Variants in NLRX1 observed in about 807,000 individuals in gnomAD.
NLRX1 encodes the protein NLR family member X1.
A neutral mutation model predicts 74.2 loss-of-function variants in NLRX1; 67 were observed. The ratio of observed to expected loss-of-function variants is 0.90; its 90% CI spans 0.74 to 1.11. The LOEUF (loss-of-function observed/expected upper bound fraction) is 1.11. Ranked by LOEUF, NLRX1 falls within the 50% of genes least tolerant of loss-of-function variation. NLRX1 has a pLI of 0.00. For missense variants in NLRX1, 1,191 were observed against 1,305.4 expected (o/e 0.91, Z 1.35); for synonymous variants, 506 against 559.1 (o/e 0.91, Z 1.34).
Position 119,173,403 on chromosome 11 carries a change from A to G in NLRX1, c.230-76A>G. The G allele has an allele frequency of 1.3e-6, 2 of 1,506,268 alleles. No individual in the cohort carries two copies. Among genetic ancestry groups the G allele is most frequent in the South Asian group, 2.4e-5 (2 of 81,750 alleles). 93.3% of individuals were successfully genotyped at this position (1,506,268 alleles called of 1,614,324 possible). On this transcript the variant is annotated intron_variant, in intron 4 of 9. Transcript: ENST00000409109. The surrounding 1 kb of genome is among the most constrained non-coding windows in gnomAD (Gnocchi z 4.0). ...TGCCGTGATGTCCCAGCCTGACCTCACCACCGCCCTGATTGGCCCTAAGCT... is the reference window on the plus strand; with the variant it reads ...TGCCGTGATGTCCCAGCCTGACCTCGCCACCGCCCTGATTGGCCCTAAGCT...
chr11:119,181,113 T>G, intron 7 of NLRX1, 58 bp from the exon 8 acceptor site: 1 of 1,202,798 alleles, frequency 8.3e-7, no homozygotes, highest in Non-Finnish European at 1.2e-6. Context: ...ATGGACAGAC[T>G]GCCTGCTGAA....
In NLRX1 at chr11:119,173,732, A is replaced by G. The variant is rs1160438766; in HGVS notation, c.483A>G (p.Thr161=). 4.3e-6 allele frequency: 7 copies of G among 1,613,898 alleles called. No homozygotes were observed. Among genetic ancestry groups the G allele is most frequent in the Non-Finnish European group, 3.4e-6 (4 of 1,180,004 alleles). The change falls in exon 5 of 10, where the codon ACA becomes ACG. Residue 161 remains threonine (T), a synonymous_variant. Coordinates refer to ENST00000409109, the MANE Select transcript of NLRX1 (RefSeq NM_001282144.2). This position sits in a 1 kb window ranked among gnomAD's most constrained non-coding sequence, Gnocchi z 4.0. ...ATGCCTGTGGGCGCCGGGTGCAGAC[A>G]GTGGTGCTGTATGGGACAGTGGGCA... The part of the protein sequence containing the change: ...NPDACGRRVQ[T]VVLYGTVGTG...
At chr11:119,181,063 A>T in intron 7 of NLRX1, 108 bp from the exon 8 acceptor site, 1 of 790,046 alleles carries the variant, frequency 1.3e-6, no homozygotes. Context: ...AAGCAGGTAT[A>T]GATTCCCAGA....
In NLRX1 at chr11:119,173,950, G is replaced by T. The variant is rs769046122; in HGVS notation, c.701G>T (p.Gly234Val). The change falls in exon 5 of 10, where the codon GGG (glycine) becomes GTG (valine). Residue 234 changes from glycine to valine, a missense_variant. Coordinates refer to ENST00000409109, the MANE Select transcript of NLRX1 (RefSeq NM_001282144.2). This position sits in a 1 kb window ranked among gnomAD's most constrained non-coding sequence, Gnocchi z 4.0. ...GTTCTGCCCCTGATGGCTGCTGCTG[G>T]GTCCCACCTCCTCTTTGTGCTCCAT... ...KEVLPLMAAA[G>V]SHLLFVLHGL... is the part of the protein sequence containing the mutation. 6.2e-7 allele frequency: 1 copy of T among 1,614,018 alleles called. No homozygotes were observed. The highest frequency in any genetic ancestry group is 8.5e-7 in the Non-Finnish European group (1 of 1,180,030).
chr11:119,171,967 A>AG (rs1340861516), intron 2 of NLRX1, among the ~76,000 whole-genome samples: 2 of 151,702 alleles, frequency 1.3e-5, no homozygotes, highest in Non-Finnish European at 2.9e-5. Context: ...AAAAAAAAAA[A>AG]GAGAGTTGGA....
Position 119,174,086 on chromosome 11 carries a change from C to T in NLRX1, c.837C>T (p.Tyr279=), listed in dbSNP as rs1336816616. ...AAIIVNLLRK[Y]MLPQASILVT... Reference sequence around the variant, plus strand: ...TCATCGTCAACCTGCTGCGCAAATACATGCTGCCTCAGGTGGGTGGCCCTT... The same window carrying T: ...TCATCGTCAACCTGCTGCGCAAATATATGCTGCCTCAGGTGGGTGGCCCTT... Residue 279 remains tyrosine, a synonymous_variant, in exon 5 of 10, where the codon TAC becomes TAT. Coordinates refer to ENST00000409109, the MANE Select transcript of NLRX1 (RefSeq NM_001282144.2). 4 of 1,613,868 alleles carry T rather than the reference C, an allele frequency of 2.5e-6. No individual in the cohort carries two copies. The Admixed American group carries it at 5.0e-5, about 20-fold the overall frequency.
chr11:119,172,866 A>G (rs1375483345), intron 3 of NLRX1, 35 bp from the exon 4 acceptor site: 5 of 1,514,140 alleles, frequency 3.3e-6, no homozygotes, highest in Non-Finnish European at 4.6e-6. Flanking sequence ...GATCCAAGTT[A>G]CAAGTCCCAG....
In NLRX1 at chr11:119,172,503, G is replaced by C. The variant is rs868294590; in HGVS notation, c.140+78G>C. ...TGGGAAGGGTCAGGACTTGGGGCTA[G>C]CTTGATCTCTTGGGGACCTTGGGGA... On this transcript the variant is annotated intron_variant, in intron 3 of 9. Coordinates refer to ENST00000409109, the MANE Select transcript of NLRX1 (RefSeq NM_001282144.2). The C allele has an allele frequency of 1.2e-5, 14 of 1,131,862 alleles. No homozygotes were observed. The Middle Eastern group carries it at 2.0e-3, about 158-fold the overall frequency. The allele number at this position is 1,131,862 out of a possible 1,614,324, so 70.1% of individuals were successfully genotyped here. A position where few individuals can be genotyped will look rare whatever the true frequency, so the allele number is the denominator to read the frequency against.
chr11:119,179,636 T>C, intron 6 of NLRX1, 57 bp from the exon 7 acceptor site: 1 of 1,241,890 alleles, frequency 8.1e-7, no homozygotes, highest in Non-Finnish European at 1.1e-6. Context: ...AGCTGAACCT[T>C]GAAGGCTGAA....
chr11:119,183,023 T>G lies in NLRX1; in HGVS notation c.2607-95T>G. The G allele has an allele frequency of 1.6e-5, 18 of 1,117,714 alleles. No homozygotes were observed. Among genetic ancestry groups the G allele is most frequent in the Non-Finnish European group, 1.9e-5 (15 of 781,328 alleles). The allele number at this position is 1,117,714 out of a possible 1,614,324, so 69.2% of individuals were successfully genotyped here. On this transcript the variant is annotated intron_variant, in intron 9 of 9. Coordinates refer to ENST00000409109, the MANE Select transcript of NLRX1 (RefSeq NM_001282144.2). This position sits in a 1 kb window ranked among gnomAD's most constrained non-coding sequence, Gnocchi z 5.7. ...CTGATCGCACTCTGCAGCCAGGAGA[T>G]GAGTTGTGAGGCCCCCTGACTTTCC...
chr11:119,171,466 G>A lies in NLRX1; in HGVS notation c.63G>A (p.Gln21=), dbSNP rs1390524506. Residue 21 remains glutamine, a synonymous_variant, in exon 2 of 10, where the codon CAG becomes CAA. Transcript: ENST00000409109. ...GCTCTGGTTTTAGAAGAGCACTCCA[G>A]CGACCAGGTGAGCAGGAAGCAGGGG... is the stretch of plus-strand genomic sequence containing the variant. The part of the protein sequence containing the change: ...SWGSGFRRAL[Q]RPDDRIPFLI... The A allele has an allele frequency of 1.9e-6, 3 of 1,612,550 alleles. No homozygotes were observed. The highest frequency in any genetic ancestry group is 2.2e-5 in the South Asian group (2 of 91,062).
chr11:119,175,086 C>A lies in NLRX1; in HGVS notation c.1483C>A (p.Pro495Thr), dbSNP rs565927701. Residue 495 changes from proline to threonine, a missense_variant, in exon 6 of 10, where the codon CCC becomes ACC. Transcript: ENST00000409109. Reference protein sequence around the residue: ...GRAGTFVFTVPAMQEYLAALY... With the variant: ...GRAGTFVFTVTAMQEYLAALY... Reference sequence around the variant, plus strand: ...TGCAGGCACCTTCGTGTTCACCGTGCCCGCCATGCAGGAATACCTGGCTGC... The same window carrying A: ...TGCAGGCACCTTCGTGTTCACCGTGACCGCCATGCAGGAATACCTGGCTGC... The A allele has an allele frequency of 9.9e-6, 16 of 1,614,068 alleles. No individual in the cohort carries two copies. The highest frequency in any genetic ancestry group is 1.4e-5 in the Non-Finnish European group (16 of 1,180,052).
chr11:119,173,118 C>A lies in NLRX1; in HGVS notation c.229+129C>A. 1.4e-6 allele frequency: 1 copy of A among 712,624 alleles called. No individual in the cohort carries two copies. The allele number at this position is 712,624 out of a possible 1,614,324, so 44.1% of individuals were successfully genotyped here. The stretch of plus-strand genomic sequence containing the variant: ...ATCGGTGGTCCCTCCTCCTCTCTCT[C>A]TCTCCCTCCCATCCGTCTATGTATC... On this transcript the variant is annotated intron_variant, in intron 4 of 9. Coordinates refer to ENST00000409109, the MANE Select transcript of NLRX1 (RefSeq NM_001282144.2). This position sits in a 1 kb window ranked among gnomAD's most constrained non-coding sequence, Gnocchi z 4.0.
Position 119,173,457 on chromosome 11 carries a change from T to G in NLRX1, c.230-22T>G, listed in dbSNP as rs1209777299. 6.2e-7 allele frequency: 1 copy of G among 1,604,494 alleles called. No individual in the cohort carries two copies. On this transcript the variant is annotated intron_variant, in intron 4 of 9. Coordinates refer to ENST00000409109, the MANE Select transcript of NLRX1 (RefSeq NM_001282144.2). This position sits in a 1 kb window ranked among gnomAD's most constrained non-coding sequence, Gnocchi z 4.0. ...TCTCCAGGCCCCTTTCCCTGACACA[T>G]TTCCCTTATCTTCCCACTCAGAAGC...
rs369007229 is a variant in NLRX1, at chr11:119,174,775, G to T, written c.1172G>T (p.Gly391Val). The change falls in exon 6 of 10, where the codon GGG (glycine) becomes GTG (valine). Residue 391 changes from glycine to valine, a missense_variant. By Grantham distance (109) the Gly-to-Val change is moderately radical. Coordinates refer to ENST00000409109, the MANE Select transcript of NLRX1 (RefSeq NM_001282144.2). ...LHFLHAPTPA[G>V]QTLTSIYTSF... is the part of the protein sequence containing the mutation. ...TTCCTGCATGCCCCCACGCCTGCTG[G>T]GCAGACCCTTACAAGCATCTATACC... The T allele has an allele frequency of 8.7e-6, 14 of 1,613,808 alleles. No homozygotes were observed. In the East Asian group the frequency reaches 1.1e-4, roughly 13 times the overall value.
At chr11:119,182,925 A>AAAAAC (rs1948877557) in intron 9 of NLRX1, among the ~76,000 whole-genome samples, 193 bp from the exon 10 acceptor site, 8 of 151,228 alleles carry the variant, frequency 5.3e-5, no homozygotes, top group African/African-American at 2.0e-4. Context: ...AAAACAAAAA[A>AAAAAC]AAAAAAGAAT....
At chr11:119,180,502 C>T (rs1186204123) in intron 7 of NLRX1, among the ~76,000 whole-genome samples, 4 of 152,006 alleles carry the variant, frequency 2.6e-5, no homozygotes, top group Non-Finnish European at 4.4e-5. Flanking sequence ...GTCAGGAGTT[C>T]GAGACCAGCC....
chr11:119,175,161 A>G lies in NLRX1; in HGVS notation c.1558A>G (p.Lys520Glu). The G allele has an allele frequency of 6.2e-7, 1 of 1,614,192 alleles. No homozygotes were observed. Among genetic ancestry groups the G allele is most frequent in the Non-Finnish European group, 8.5e-7 (1 of 1,180,032 alleles). The change falls in exon 6 of 10, where the codon AAG (lysine) becomes GAG (glutamate). Residue 520 changes from lysine to glutamate, a missense_variant. Coordinates refer to ENST00000409109, the MANE Select transcript of NLRX1 (RefSeq NM_001282144.2). Reference protein sequence around the residue: ...LRKTTLQKVGKEVAELVGRVG... With the variant: ...LRKTTLQKVGEEVAELVGRVG... Reference sequence around the variant, plus strand: ...CAAGACGACCCTGCAAAAGGTGGGCAAGGAAGTGGCTGAGCTCGTGGGCCG... The same window carrying G: ...CAAGACGACCCTGCAAAAGGTGGGCGAGGAAGTGGCTGAGCTCGTGGGCCG...
Position 119,171,728 on chromosome 11 carries a change from G to A in NLRX1, c.70+255G>A, listed in dbSNP as rs199476035. On this transcript the variant is annotated intron_variant, in intron 2 of 9. Coordinates refer to ENST00000409109, the MANE Select transcript of NLRX1 (RefSeq NM_001282144.2). ...AGCACTTTGGAAGGCCGAGGCAGGC[G>A]GATCACAAGATCAGGAGTTTGAGAC... Among the ~76,000 whole-genome samples the A allele has an allele frequency of 2.6e-5, 4 of 152,098 alleles. No homozygotes were observed. Among genetic ancestry groups the A allele is most frequent in the African/African-American group, 7.2e-5 (3 of 41,474 alleles).
Sources: allele counts gnomAD v4.1 joint callset (sites outside exome capture counted in the v4.1 genomes callset), GRCh38; gene constraint gnomAD v4.1.1; non-coding constraint Gnocchi (gnomAD v3.1); transcripts MANE v1.5; gene names NCBI Gene and HGNC (gene_info 2026-07-23, HGNC 2026-07-21).